MRTFB: variants seen among roughly 807,000 people sequenced by gnomAD.
MRTFB encodes myocardin related transcription factor B.
MRTFB carries 29 observed loss-of-function variants against 104.2 expected under a neutral mutation model. The ratio of observed to expected loss-of-function variants is 0.28; its 90% confidence interval spans 0.21 to 0.38. The LOEUF is 0.38. MRTFB is among the 10% of genes least tolerant of loss of function. The pLI is 1.00. For synonymous variants in MRTFB, 535 were observed against 519.5 expected (o/e 1.03, Z -0.41); for missense variants, 1,270 against 1,341.6 (o/e 0.95, Z 0.83).
At chr16:14,251,712 A>G (rs929739927) in intron 13 of MRTFB, 150 bp from the exon 14 acceptor site, 5 of 740,668 alleles carry the variant, frequency 6.8e-6, no homozygotes, top group Non-Finnish European at 1.1e-5. Context: ...TGGTAACAAC[A>G]GAGGCCAGGT....
intron 2 of MRTFB, among the ~76,000 whole-genome samples, chr16:14,096,250 TC>T (rs773097320): frequency 2.6e-4 from 39 of 152,012 alleles, no homozygotes; most frequent in Non-Finnish European, 5.4e-4. Context: ...TTTTTGTATT[TC>T]TAGTAGAGAC....
intron 2 of MRTFB, among the ~76,000 whole-genome samples, chr16:14,126,361 G>T (rs1327252001): frequency 6.6e-6 from 1 of 152,042 alleles, no homozygotes; most frequent in Non-Finnish European, 1.5e-5. Flanking sequence ...TATTATGCCT[G>T]GGCTAGGAAA....
At chr16:14,127,317 T>C (rs1242435896) in intron 2 of MRTFB, among the ~76,000 whole-genome samples, 2 of 152,070 alleles carry the variant, frequency 1.3e-5, no homozygotes, top group African/African-American at 4.8e-5. Context: ...CAGCCTTAAA[T>C]TGCTTGCTTT....
rs765955894 is a variant in MRTFB, at chr16:14,252,515, A to G, written c.2703+13A>G. 2 of 1,613,820 alleles carry G rather than the reference A, an allele frequency of 1.2e-6. No individual in the cohort carries two copies. Among genetic ancestry groups the G allele is most frequent in the African/African-American group, 1.3e-5 (1 of 74,906 alleles). On this transcript the variant is annotated intron_variant, in intron 15 of 16. Transcript: ENST00000571589. ...CCCTCTGCCAGAGGTAAGTGAGGGC[A>G]CGGTCATGGTGCATAAGGCTATGGT... is the stretch of plus-strand genomic sequence containing the variant.
rs142841725 is a variant in MRTFB at position 14,251,873 on chromosome 16, C to G, written c.2415C>G (p.Asn805Lys). ...QPQQVRKVFT[N>K]SASSNTVLPY... is the part of the protein sequence containing the mutation. ...TTTATTCATTACAGGTTTTCACAAA[C>G]TCAGCATCATCAAATACAGTTCTTC... Residue 805 changes from asparagine to lysine, a missense_variant, in exon 14 of 17, where the codon AAC becomes AAG. Transcript: ENST00000571589. 2.2e-4 allele frequency: 363 copies of G among 1,613,820 alleles called. No individual in the cohort carries two copies. The highest frequency in any genetic ancestry group is 2.9e-4 in the Non-Finnish European group (343 of 1,179,940).
At chr16:14,004,627 A>G in the MRTFB span, among the ~76,000 whole-genome samples, 1 of 152,126 alleles carries the variant, frequency 6.6e-6, no homozygotes, top group East Asian at 1.9e-4. Context: ...TTTGGATGAC[A>G]TTGAGACCTG....
the MRTFB span, among the ~76,000 whole-genome samples, chr16:14,006,383 G>A: frequency 2.6e-5 from 4 of 151,834 alleles, no homozygotes; most frequent in East Asian, 5.8e-4. Flanking sequence ...GGTTGTGGTA[G>A]CACGCGCCTG....
chr16:14,234,068 A>AT, intron 8 of MRTFB, 78 bp from the exon 9 acceptor site: 2 of 1,550,868 alleles, frequency 1.3e-6, no homozygotes, highest in Non-Finnish European at 1.8e-6. Flanking sequence ...AAACCAGGTC[A>AT]TTCCCTTGTA....
the MRTFB span, among the ~76,000 whole-genome samples, chr16:14,006,874 G>A: frequency 6.6e-6 from 1 of 152,012 alleles, no homozygotes; most frequent in Admixed American, 6.6e-5. Flanking sequence ...AAAATTAGCT[G>A]GGTATGGTGG....
chr16:14,062,323 C>T, the MRTFB span, among the ~76,000 whole-genome samples: 1 of 152,308 alleles, frequency 6.6e-6, no homozygotes, highest in South Asian at 2.1e-4. Context: ...TGGCTTTGAA[C>T]TCCAGGCTTC....
At chr16:14,000,162 A>G in the MRTFB span, among the ~76,000 whole-genome samples, 3 of 152,200 alleles carry the variant, frequency 2.0e-5, no homozygotes, top group Non-Finnish European at 4.4e-5. Flanking sequence ...ATAACAGGGT[A>G]AAAATAAACT....
At chr16:14,120,588 TCA>T (rs2036795374) in intron 2 of MRTFB, among the ~76,000 whole-genome samples, 1 of 152,256 alleles carries the variant, frequency 6.6e-6, no homozygotes, top group Admixed American at 6.5e-5. Flanking sequence ...TATCACGTAT[TCA>T]GTTTCCTTAG....
At chr16:14,218,762 T>A (rs934437272) in intron 7 of MRTFB, 58 bp from the exon 8 acceptor site, 46 of 1,494,192 alleles carry the variant, frequency 3.1e-5, no homozygotes, top group Non-Finnish European at 4.1e-5. Flanking sequence ...CTCCTTCACA[T>A]TAAGCTTGGT....
At chr16:14,011,609 G>A in the MRTFB span, among the ~76,000 whole-genome samples, 8 of 152,200 alleles carry the variant, frequency 5.3e-5, no homozygotes, top group Admixed American at 5.2e-4. Flanking sequence ...ATTATTGCCA[G>A]GTGTGGTGGC....
intron 2 of MRTFB, among the ~76,000 whole-genome samples, chr16:14,081,598 A>G (rs1234589625): frequency 1.4e-5 from 2 of 144,792 alleles, no homozygotes; most frequent in African/African-American, 2.6e-5. Context: ...GGCCATTTGT[A>G]TGCTTCTTTT....
intron 3 of MRTFB, among the ~76,000 whole-genome samples, chr16:14,188,189 C>A (rs764935572): frequency 2.0e-5 from 3 of 152,134 alleles, no homozygotes; most frequent in Admixed American, 1.3e-4. Flanking sequence ...TGCTTGTGCA[C>A]GGCATGTCTT....
intron 3 of MRTFB, among the ~76,000 whole-genome samples, chr16:14,205,058 AT>A (rs1359398441): frequency 6.6e-6 from 1 of 152,214 alleles, no homozygotes; most frequent in Non-Finnish European, 1.5e-5. Context: ...AATATTTATC[AT>A]TGTAGTTACA....
At chr16:14,232,583 TCA>T (rs1285102229) in intron 8 of MRTFB, among the ~76,000 whole-genome samples, 4 of 152,124 alleles carry the variant, frequency 2.6e-5, no homozygotes, top group Non-Finnish European at 5.9e-5. Flanking sequence ...TTGTCAACAC[TCA>T]CAGTTACTAA....
the MRTFB span, among the ~76,000 whole-genome samples, chr16:14,045,465 C>A: frequency 6.6e-6 from 1 of 152,198 alleles, no homozygotes; most frequent in Non-Finnish European, 1.5e-5. Flanking sequence ...GAGAGTGAAG[C>A]CAGCAGACAG....
Sources: allele counts gnomAD v4.1 joint callset (sites outside exome capture counted in the v4.1 genomes callset), GRCh38; gene constraint gnomAD v4.1.1; transcripts MANE v1.5; gene names NCBI Gene and HGNC (gene_info 2026-07-23, HGNC 2026-07-21).